The following ZNF131 variants were observed in gnomAD, a reference collection of about 807,000 sequenced individuals.
ZNF131 encodes zinc finger protein 131.
Under a neutral mutation model 60.0 loss-of-function variants are expected in ZNF131, and 7 were observed. That is an observed-to-expected ratio of 0.12 (90% confidence interval 0.07 to 0.22). The LOEUF is 0.22. Among genes scored for constraint, ZNF131 ranks in the 10% least tolerant of loss-of-function variants. The pLI, the probability that ZNF131 is intolerant of heterozygous loss-of-function variation, is 1.00. For missense variants in ZNF131, 493 were observed against 740.9 expected (o/e 0.67, Z 3.88); for synonymous variants, 257 against 253.2 (o/e 1.01, Z -0.14).
In ZNF131 at chr5:43,174,988, A is replaced by G; in HGVS notation, c.1727A>G (p.Glu576Gly). The change falls in exon 7 of 7, where the codon GAG (glutamate) becomes GGG (glycine). Residue 576 changes from glutamate to glycine, a missense_variant. Glu to Gly is a moderately conservative substitution (Grantham distance 98, BLOSUM62 -2). Coordinates refer to ENST00000682664, the MANE Select transcript of ZNF131 (RefSeq NM_001330707.2). Reference sequence around the variant, plus strand: ...ACCCCAGAAATCATGAACCAAGAGGAGAGAGAGTCTAGCCAAGCAGATGCT... The same window carrying G: ...ACCCCAGAAATCATGAACCAAGAGGGGAGAGAGTCTAGCCAAGCAGATGCT... ...HVTPEIMNQE[E>G]RESSQADAAE... is the part of the protein sequence containing the mutation. 1.9e-6 allele frequency: 3 copies of G among 1,614,140 alleles called. No individual in the cohort carries two copies. Among genetic ancestry groups the G allele is most frequent in the Non-Finnish European group, 2.5e-6 (3 of 1,180,026 alleles).
rs559691732 is a variant in ZNF131 at position 43,174,613 on chromosome 5, C to T, written c.1352C>T (p.Thr451Met). ...DAHNISERLV[T>M]EEVLSVETRV... ...CACAATATTTCAGAGCGTCTAGTAACGGAAGAAGTTCTTTCAGTAGAAACA... is the reference window on the plus strand; with the variant it reads ...CACAATATTTCAGAGCGTCTAGTAATGGAAGAAGTTCTTTCAGTAGAAACA... The change falls in exon 7 of 7, where the codon ACG (threonine) becomes ATG (methionine). Residue 451 changes from threonine (T) to methionine (M), a missense_variant. By Grantham distance (81) the Thr-to-Met change is moderately conservative. Around this residue, in one of 7 missense-constraint regions of ZNF131, gnomAD observed 202 missense variants for 221.3 expected, o/e 0.91. Transcript: ENST00000682664. 10 of 1,613,774 alleles carry T rather than the reference C, an allele frequency of 6.2e-6. No individual in the cohort carries two copies. The highest frequency in any genetic ancestry group is 2.2e-5 in the East Asian group (1 of 44,904).
intron 4 of ZNF131, among the ~76,000 whole-genome samples, chr5:43,150,261 C>G (rs1455082005): frequency 6.6e-6 from 1 of 152,206 alleles, no homozygotes; most frequent in Non-Finnish European, 1.5e-5. Context: ...ACTCTCCACT[C>G]TGGAAGAGGA....
rs200857392 is a variant in ZNF131 at position 43,123,294 on chromosome 5, A to G, written c.210A>G (p.Pro70=). The change falls in exon 3 of 7, where the codon CCA becomes CCG. Residue 70 remains proline, a synonymous_variant. Coordinates refer to ENST00000682664, the MANE Select transcript of ZNF131 (RefSeq NM_001330707.2). ...YKFFQEFTQE[P]LVEIEGVSKM... is the part of the protein sequence containing the mutation. Reference sequence around the variant, plus strand: ...TCTTTCAGGAGTTTACCCAAGAACCATTGGTGGAGATAGAAGGTAAATGAT... The same window carrying G: ...TCTTTCAGGAGTTTACCCAAGAACCGTTGGTGGAGATAGAAGGTAAATGAT... 1.5e-4 allele frequency: 243 copies of G among 1,606,022 alleles called. No homozygotes were observed. Among genetic ancestry groups the G allele is most frequent in the Non-Finnish European group, 3.0e-5 (35 of 1,177,954 alleles).
intron 5 of ZNF131, 65 bp from the exon 6 acceptor site, chr5:43,173,252 GT>G: frequency 7.0e-7 from 1 of 1,422,086 alleles, no homozygotes; most frequent in African/African-American, 1.4e-5. Flanking sequence ...AAAAGTAAAC[GT>G]TTAAAATTAT....
chr5:43,139,909 C>A (rs1347019761), intron 4 of ZNF131, among the ~76,000 whole-genome samples: 1 of 152,062 alleles, frequency 6.6e-6, no homozygotes, highest in East Asian at 1.9e-4. Flanking sequence ...TAAAATTTCT[C>A]CTGAGAAGTA....
At chr5:43,147,261 T>C (rs1426167694) in intron 4 of ZNF131, among the ~76,000 whole-genome samples, 1 of 152,100 alleles carries the variant, frequency 6.6e-6, no homozygotes, top group Non-Finnish European at 1.5e-5. Flanking sequence ...ATTAAAATAA[T>C]GCTACTGTAT....
At chr5:43,146,085 G>A (rs1013050623) in intron 4 of ZNF131, among the ~76,000 whole-genome samples, 1 of 152,130 alleles carries the variant, frequency 6.6e-6, no homozygotes, top group Admixed American at 6.5e-5. Context: ...TAATTTAACA[G>A]GCTAAACAAT....
At chr5:43,140,282 T>G (rs1301571899) in intron 4 of ZNF131, among the ~76,000 whole-genome samples, 5 of 152,182 alleles carry the variant, frequency 3.3e-5, no homozygotes, top group Admixed American at 6.5e-5. Flanking sequence ...ACATCCTTAC[T>G]TGATGAATAA....
At chr5:43,146,912 T>C (rs973320841) in intron 4 of ZNF131, among the ~76,000 whole-genome samples, 1 of 151,974 alleles carries the variant, frequency 6.6e-6, no homozygotes, top group African/African-American at 2.4e-5. Context: ...AAAATATATA[T>C]ATATATGTAT....
rs148965036 is a variant in ZNF131, at chr5:43,143,026, C to CT, written c.371+3733dup. On this transcript the variant is annotated intron_variant, in intron 4 of 6. Coordinates refer to ENST00000682664, the MANE Select transcript of ZNF131 (RefSeq NM_001330707.2). Reference sequence around the variant, plus strand: ...TGGTTTCTTTTTTTAATCTTTCAAGCTTTTTTTTTTTTTTTTGAAGACAGA... The same window carrying CT: ...TGGTTTCTTTTTTTAATCTTTCAAGCTTTTTTTTTTTTTTTTTGAAGACAGA... Among the ~76,000 whole-genome samples the CT allele has an allele frequency of 0.017, 2,267 of 136,700 alleles. 111 individuals carry two copies. The East Asian group carries it at 0.19, about 11-fold the overall frequency. The allele number at this position is 136,700 out of a possible 152,430, so 89.7% of individuals were successfully genotyped here.
intron 5 of ZNF131, 104 bp from the exon 6 acceptor site, chr5:43,173,214 A>C: frequency 8.6e-7 from 1 of 1,163,450 alleles, no homozygotes; most frequent in East Asian, 2.6e-5. Flanking sequence ...TCCTTTTAGG[A>C]ATTTAGTATT....
intron 4 of ZNF131, among the ~76,000 whole-genome samples, chr5:43,140,307 A>G (rs1746649170): frequency 6.6e-6 from 1 of 152,240 alleles, no homozygotes; most frequent in African/African-American, 2.4e-5. Context: ...AGTGTAACAT[A>G]GTTACTAAGA....
intron 3 of ZNF131, among the ~76,000 whole-genome samples, chr5:43,125,466 CAGAA>C (rs1170860643): frequency 6.6e-6 from 1 of 150,668 alleles, no homozygotes; most frequent in Non-Finnish European, 1.5e-5. Context: ...CAAGTCTGAG[CAGAA>C]TTTTTAAGTC....
chr5:43,144,242 T>A, intron 4 of ZNF131, among the ~76,000 whole-genome samples: 2 of 40,746 alleles, frequency 4.9e-5, no homozygotes, highest in African/African-American at 2.3e-4. Context: ...TCTTTCTTTT[T>A]TTTTTTTTTT....
intron 3 of ZNF131, chr5:43,123,661 A>ACTGCTGAACATG (rs2112097298): frequency 1.1e-5 from 2 of 179,952 alleles, no homozygotes; most frequent in Non-Finnish European, 2.3e-5. Flanking sequence ...TATGTTTCAG[A>ACTGCTGAACATG]CTGCTGGAGA....
At chr5:43,142,442 T>C (rs556520628) in intron 4 of ZNF131, among the ~76,000 whole-genome samples, 59 of 148,564 alleles carry the variant, frequency 4.0e-4, no homozygotes, top group Admixed American at 1.3e-3. Flanking sequence ...TAGCTGTGAT[T>C]ACAGGCTTCC....
chr5:43,171,956 A>C (rs918379239), intron 5 of ZNF131, among the ~76,000 whole-genome samples: 2 of 152,078 alleles, frequency 1.3e-5, no homozygotes, highest in Admixed American at 1.3e-4. Flanking sequence ...GGGTCTCACT[A>C]TGTTGCCCAG....
chr5:43,155,268 A>G (rs72750795), intron 4 of ZNF131, among the ~76,000 whole-genome samples: 13,549 of 152,212 alleles, frequency 0.089, 794 homozygotes, highest in Admixed American at 0.14. Flanking sequence ...CTTGTTAGTC[A>G]TGAAGTCTTG....
At chr5:43,140,531 C>T (rs1746682617) in intron 4 of ZNF131, among the ~76,000 whole-genome samples, 1 of 152,154 alleles carries the variant, frequency 6.6e-6, no homozygotes, top group Admixed American at 6.6e-5. Flanking sequence ...ACTCTGAGTA[C>T]TCTAAGTATG....
Sources: allele counts gnomAD v4.1 joint callset (sites outside exome capture counted in the v4.1 genomes callset), GRCh38; gene constraint gnomAD v4.1.1; regional missense constraint gnomAD v4.1.1; transcripts MANE v1.5; gene names NCBI Gene and HGNC (gene_info 2026-07-23, HGNC 2026-07-21).